The following STK32B variants were observed in gnomAD, a reference collection of about 807,000 sequenced individuals.
The protein encoded by STK32B is serine/threonine-protein kinase 32B.
A neutral mutation model predicts 52.6 loss-of-function variants in STK32B; 43 were observed. That is an observed-to-expected ratio of 0.82 (90% CI 0.64 to 1.05). The LOEUF (loss-of-function observed/expected upper bound fraction) is 1.05. Among genes scored for constraint, STK32B ranks in the 50% least tolerant of loss-of-function variants. The probability of loss-of-function intolerance (pLI) is 0.00; values close to 1 mark genes in which losing one functional copy is unlikely to be tolerated. For missense variants in STK32B, 621 were observed against 534.6 expected (o/e 1.16, Z -1.59); for synonymous variants, 238 against 204.3 (o/e 1.17, Z -1.41).
rs1455707703 is a variant in STK32B, at chr4:5,499,889, A to G, written c.*806A>G. Reference sequence around the variant, plus strand: ...ATCAGCACCCCATCCAACTGGCCCGAAAGCCCAGACCTGCAGCAGAACTCT... The same window carrying G: ...ATCAGCACCCCATCCAACTGGCCCGGAAGCCCAGACCTGCAGCAGAACTCT... On this transcript the variant is annotated 3_prime_UTR_variant, in exon 12 of 12. Transcript: ENST00000282908. 1 of 152,298 alleles carries G rather than the reference A, an allele frequency of 6.6e-6. No homozygotes were observed. The highest frequency in any genetic ancestry group is 6.5e-5 in the Admixed American group (1 of 15,274). The allele number at this position is 152,298 out of a possible 1,614,324, so 9.4% of individuals were successfully genotyped here.
chr4:5,313,598 TA>T (rs201843119), intron 3 of STK32B, among the ~76,000 whole-genome samples: 5 of 121,788 alleles, frequency 4.1e-5, no homozygotes, highest in Non-Finnish European at 7.6e-5. Context: ...TTATTTACAT[TA>T]AAAAACAAAG....
chr4:5,496,360 G>T (rs142799262), intron 11 of STK32B, among the ~76,000 whole-genome samples: 7 of 152,192 alleles, frequency 4.6e-5, no homozygotes, highest in Non-Finnish European at 1.0e-4. Context: ...GCGAGACTCC[G>T]TGGGCATAGG....
intron 4 of STK32B, among the ~76,000 whole-genome samples, chr4:5,359,314 C>G (rs912506290): frequency 5.5e-4 from 83 of 152,174 alleles, no homozygotes; most frequent in African/African-American, 1.9e-3. Context: ...CATTCATCCA[C>G]TCACTCATCT....
intron 6 of STK32B, chr4:5,432,441 G>A (rs536526010): frequency 1.6e-4 from 24 of 152,026 alleles, no homozygotes; most frequent in African/African-American, 4.8e-4. Context: ...ACCGTAGATC[G>A]ATGTATTAAT....
At chr4:5,263,287 C>T (rs113263815) in intron 3 of STK32B, among the ~76,000 whole-genome samples, 98 of 152,254 alleles carry the variant, frequency 6.4e-4, no homozygotes, top group African/African-American at 2.2e-3. Context: ...TATGTAGCAT[C>T]CGGGTGTGTC....
chr4:5,179,666 A>C (rs375458079), intron 3 of STK32B, among the ~76,000 whole-genome samples: 2 of 152,228 alleles, frequency 1.3e-5, no homozygotes, highest in African/African-American at 4.8e-5. Flanking sequence ...GAGAAAGGTC[A>C]CCAGATCATT....
intron 5 of STK32B, among the ~76,000 whole-genome samples, chr4:5,404,908 C>T (rs549888820): frequency 6.2e-5 from 9 of 144,506 alleles, no homozygotes; most frequent in South Asian, 4.5e-4. Context: ...GTTCTGTCAC[C>T]GAGACTGGAG....
In STK32B at chr4:5,469,748, A is replaced by C. The variant is rs1386448019; in HGVS notation, c.1106+1678A>C. On this transcript the variant is annotated intron_variant, in intron 11 of 11. Transcript: ENST00000282908. This position sits in a 1 kb window ranked among gnomAD's most constrained non-coding sequence, Gnocchi z 4.7. ...AGAGGACCACATGTTGGGGTCTCCC[A>C]GCTCTGGCCAACAACACAGGAAGGG... 6.6e-6 allele frequency among the ~76,000 whole-genome samples: 1 copy of C among 152,220 alleles called. No individual in the cohort carries two copies. The highest frequency in any genetic ancestry group is 6.5e-5 in the Admixed American group (1 of 15,290).
intron 11 of STK32B, among the ~76,000 whole-genome samples, chr4:5,486,896 T>C (rs1277641849): frequency 6.6e-6 from 1 of 152,220 alleles, no homozygotes; most frequent in Non-Finnish European, 1.5e-5. Flanking sequence ...TTTGAGAAGT[T>C]TCACTGGCAC....
At chr4:5,282,245 A>G (rs989923795) in intron 3 of STK32B, among the ~76,000 whole-genome samples, 1 of 152,068 alleles carries the variant, frequency 6.6e-6, no homozygotes, top group Non-Finnish European at 1.5e-5. Flanking sequence ...TATACATGAA[A>G]CTGGCCCTCT....
chr4:5,448,438 C>T (rs1715671303), intron 7 of STK32B, among the ~76,000 whole-genome samples: 1 of 152,190 alleles, frequency 6.6e-6, no homozygotes, highest in Non-Finnish European at 1.5e-5. Flanking sequence ...CCGCCAGAGG[C>T]TGTTAATCTT....
At chr4:5,119,091 A>C (rs1376405066) in intron 1 of STK32B, among the ~76,000 whole-genome samples, 1 of 152,210 alleles carries the variant, frequency 6.6e-6, no homozygotes, top group East Asian at 1.9e-4. Flanking sequence ...TGTTTTCCAC[A>C]TAAAAGGGTA....
chr4:5,404,355 G>T (rs143907191), intron 5 of STK32B, among the ~76,000 whole-genome samples: 1 of 152,032 alleles, frequency 6.6e-6, no homozygotes, highest in African/African-American at 2.4e-5. Context: ...CCCTGTGTGC[G>T]TGTCGGCGTC....
chr4:5,076,402 T>A (rs1240405748), intron 1 of STK32B, among the ~76,000 whole-genome samples: 2 of 152,186 alleles, frequency 1.3e-5, no homozygotes, highest in African/African-American at 4.8e-5. Context: ...TCATAAACGA[T>A]GCAAAATTGA....
intron 3 of STK32B, among the ~76,000 whole-genome samples, chr4:5,259,051 A>C (rs1221080448): frequency 1.3e-5 from 2 of 152,166 alleles, no homozygotes; most frequent in African/African-American, 4.8e-5. Flanking sequence ...CCAGAGTTTT[A>C]CATGACAACC....
At chr4:5,060,592 A>G (rs1045514709) in intron 1 of STK32B, among the ~76,000 whole-genome samples, 3 of 124,550 alleles carry the variant, frequency 2.4e-5, no homozygotes, top group Non-Finnish European at 5.7e-5. Context: ...ATCATTGATT[A>G]TACTTACGTA....
chr4:5,407,614 G>T, intron 5 of STK32B, among the ~76,000 whole-genome samples: 1 of 152,208 alleles, frequency 6.6e-6, no homozygotes, highest in South Asian at 2.1e-4. Context: ...AAGGTGAAGG[G>T]GAAGTAAGTA....
intron 3 of STK32B, among the ~76,000 whole-genome samples, chr4:5,247,639 A>G (rs987718742): frequency 6.6e-6 from 1 of 152,172 alleles, no homozygotes; most frequent in Non-Finnish European, 1.5e-5. Context: ...TTGGAAATGC[A>G]GAAATCACCC....
intron 1 of STK32B, among the ~76,000 whole-genome samples, chr4:5,066,382 TC>T (rs1742426385): frequency 6.6e-6 from 1 of 152,158 alleles, no homozygotes; most frequent in African/African-American, 2.4e-5. Context: ...CTGACTGGCC[TC>T]CCTGTCTTCT....
Sources: gnomAD v4.1 joint callset for allele counts (sites outside exome capture counted in the v4.1 genomes callset) on GRCh38, gnomAD v4.1.1 for gene constraint, Gnocchi (gnomAD v3.1) non-coding constraint, MANE v1.5 for transcripts, NCBI Gene and HGNC (gene_info 2026-07-23, HGNC 2026-07-21) for gene names.